THSD7A: variants seen among roughly 807,000 people sequenced by gnomAD.
The protein encoded by THSD7A is thrombospondin type-1 domain-containing protein 7A.
In THSD7A, 96 loss-of-function variants were observed where a neutral mutation model predicts 231.3. The observed-to-expected ratio is 0.41, with a 90% CI of 0.35 to 0.49. THSD7A has a LOEUF of 0.49. Ranked by LOEUF, THSD7A falls within the 20% of genes least tolerant of loss-of-function variation. The pLI, the probability that THSD7A is intolerant of heterozygous loss-of-function variation, is 0.05. For synonymous variants in THSD7A, 940 were observed against 743.3 expected, an observed-to-expected ratio of 1.26 and a Z score of -4.30; for missense variants, 2,290 against 2,070.2, an observed-to-expected ratio of 1.11 and a Z score of -2.06.
chr7:11,535,823 A>C (rs2128320857), intron 6 of THSD7A, among the ~76,000 whole-genome samples: 1 of 152,252 alleles, frequency 6.6e-6, no homozygotes, highest in African/African-American at 2.4e-5. Flanking sequence ...ATTTGAATTG[A>C]TCTGAACTCA....
intron 1 of THSD7A, among the ~76,000 whole-genome samples, chr7:11,702,378 T>C (rs1450516311): frequency 6.6e-6 from 1 of 151,222 alleles, no homozygotes; most frequent in Admixed American, 6.6e-5. Flanking sequence ...GTGGTTTCTG[T>C]ATTCTTGCTG....
At chr7:11,726,127 A>T (rs1562508054) in intron 1 of THSD7A, among the ~76,000 whole-genome samples, 1 of 152,056 alleles carries the variant, frequency 6.6e-6, no homozygotes, top group African/African-American at 2.4e-5. Context: ...CTAAATTTAA[A>T]AGGAGTTTGA....
At chr7:11,402,088 A>G in intron 22 of THSD7A, 120 bp from the exon 23 acceptor site, 1 of 740,504 alleles carries the variant, frequency 1.4e-6, no homozygotes, top group Non-Finnish European at 2.2e-6. Context: ...CATAATATTT[A>G]TAAGATTTAA....
intron 9 of THSD7A, 36 bp downstream of exon 9, chr7:11,469,843 C>G (rs1360252549): frequency 3.4e-6 from 5 of 1,463,148 alleles, no homozygotes; most frequent in South Asian, 1.2e-5. Flanking sequence ...AGGAGGTTTT[C>G]TAGGTGAACA....
rs145650028 is a variant in THSD7A, at chr7:11,502,732, A to T, written c.1823-20750T>A. 7.3e-3 allele frequency among the ~76,000 whole-genome samples: 1,104 copies of T among 152,248 alleles called. 10 individuals carry two copies. Among genetic ancestry groups the T allele is most frequent in the African/African-American group, 0.026 (1,060 of 41,556 alleles). ...ATTGCCACACACACACAAAATACCT[A>T]GGAATACAGCCAACTAGAATGGTGG... On this transcript the variant is annotated intron_variant, in intron 6 of 27. Transcript: ENST00000423059.
At chr7:11,662,920 C>T (rs75105133) in intron 1 of THSD7A, among the ~76,000 whole-genome samples, 9,241 of 151,212 alleles carry the variant, frequency 0.061, 297 homozygotes, top group East Asian at 0.13. Context: ...AATAAGAAAA[C>T]TTATCATTTA....
At chr7:11,736,228 ATAAT>A (rs1457119050) in intron 1 of THSD7A, among the ~76,000 whole-genome samples, 2 of 151,930 alleles carry the variant, frequency 1.3e-5, no homozygotes, top group Non-Finnish European at 2.9e-5. Flanking sequence ...TCGAAAAATA[ATAAT>A]TAGCTATAAA....
At chr7:11,464,627 C>T (rs935209927) in intron 9 of THSD7A, among the ~76,000 whole-genome samples, 7 of 152,130 alleles carry the variant, frequency 4.6e-5, no homozygotes, top group African/African-American at 1.7e-4. Flanking sequence ...ATATATAAGA[C>T]TATGATGACT....
At chr7:11,405,063 A>C (rs1186694332) in intron 22 of THSD7A, among the ~76,000 whole-genome samples, 2 of 152,004 alleles carry the variant, frequency 1.3e-5, no homozygotes, top group Non-Finnish European at 2.9e-5. Context: ...TTGTCCTCAA[A>C]ATAACCCCTA....
intron 2 of THSD7A, among the ~76,000 whole-genome samples, chr7:11,623,496 T>A (rs1049531192): frequency 2.0e-5 from 3 of 152,028 alleles, no homozygotes; most frequent in Admixed American, 2.0e-4. Context: ...CATGCCACAC[T>A]CTCAGGGCAG....
chr7:11,795,153 G>C (rs1459929003), intron 1 of THSD7A, among the ~76,000 whole-genome samples: 2 of 151,724 alleles, frequency 1.3e-5, no homozygotes, highest in Non-Finnish European at 2.9e-5. Flanking sequence ...AGATTTGAGA[G>C]AGATCTTTCT....
At chr7:11,475,445 T>C (rs923651431) in intron 7 of THSD7A, among the ~76,000 whole-genome samples, 4 of 151,776 alleles carry the variant, frequency 2.6e-5, no homozygotes, top group Admixed American at 6.6e-5. Flanking sequence ...CCTGCGTAAG[T>C]CCTGTGTGGT....
At chr7:11,796,498 A>G (rs1172026259) in intron 1 of THSD7A, among the ~76,000 whole-genome samples, 1 of 152,024 alleles carries the variant, frequency 6.6e-6, no homozygotes, top group African/African-American at 2.4e-5. Flanking sequence ...TTTTTCTAAT[A>G]TTAAAATTTC....
Position 11,446,158 on chromosome 7 carries a change from T to C in THSD7A, c.2967A>G (p.Gly989=). 6.2e-7 allele frequency: 1 copy of C among 1,613,550 alleles called. No homozygotes were observed. The highest frequency in any genetic ancestry group is 8.5e-7 in the Non-Finnish European group (1 of 1,179,654). The part of the protein sequence containing the change: ...VEVLLGMKVQ[G]DIKECGQGYR... ...ATCCTTGTCCGCATTCCTTGATGTCTCCTTGTACTTTCATTCCCAGCAACA... is the reference window on the plus strand; with the variant it reads ...ATCCTTGTCCGCATTCCTTGATGTCCCCTTGTACTTTCATTCCCAGCAACA... The change falls in exon 13 of 28, where the codon GGA becomes GGG. Residue 989 remains glycine, a synonymous_variant. Coordinates refer to ENST00000423059, the MANE Select transcript of THSD7A (RefSeq NM_015204.3). The surrounding 1 kb of genome is among the most constrained non-coding windows in gnomAD (Gnocchi z 4.0).
Position 11,406,488 on chromosome 7 carries a change from A to C in THSD7A, c.4063-14T>G. 6.3e-7 allele frequency: 1 copy of C among 1,596,040 alleles called. No individual in the cohort carries two copies. The highest frequency in any genetic ancestry group is 1.4e-5 in the African/African-American group (1 of 74,054). On this transcript the variant is annotated splice_polypyrimidine_tract_variant and intron_variant, in intron 21 of 27. Coordinates refer to ENST00000423059, the MANE Select transcript of THSD7A (RefSeq NM_015204.3). The surrounding 1 kb of genome is among the most constrained non-coding windows in gnomAD (Gnocchi z 4.7). The stretch of plus-strand genomic sequence containing the variant: ...ACACTGGGCCTCCTGGAATGGAGGA[A>C]GAAATAACTAATTAGAAAAAGAGAA...
intron 3 of THSD7A, among the ~76,000 whole-genome samples, chr7:11,591,475 T>C (rs1438557009): frequency 6.6e-6 from 1 of 152,098 alleles, no homozygotes; most frequent in African/African-American, 2.4e-5. Context: ...TTAACGAAGA[T>C]GCTTCCTTAG....
intron 6 of THSD7A, among the ~76,000 whole-genome samples, chr7:11,539,081 C>T (rs913305857): frequency 2.0e-5 from 3 of 152,128 alleles, no homozygotes; most frequent in Non-Finnish European, 4.4e-5. Flanking sequence ...GCAGCCCAGG[C>T]CTAGAGGTAG....
intron 1 of THSD7A, among the ~76,000 whole-genome samples, chr7:11,803,966 T>C (rs942827161): frequency 2.6e-5 from 4 of 152,110 alleles, no homozygotes; most frequent in East Asian, 3.9e-4. Context: ...AGATGACAAA[T>C]ACAGTTTTGT....
chr7:11,393,400 G>A (rs1402580516), intron 23 of THSD7A, among the ~76,000 whole-genome samples: 2 of 152,150 alleles, frequency 1.3e-5, no homozygotes, highest in East Asian at 1.9e-4. Context: ...CCATGAAGAC[G>A]AGGAAAAACC....
Sources: allele counts gnomAD v4.1 joint callset (sites outside exome capture counted in the v4.1 genomes callset), GRCh38; gene constraint gnomAD v4.1.1; non-coding constraint Gnocchi (gnomAD v3.1); transcripts MANE v1.5; gene names NCBI Gene and HGNC (gene_info 2026-07-23, HGNC 2026-07-21).